The following BCORL1 variants were observed in gnomAD, a reference collection of about 807,000 sequenced individuals.
BCORL1 encodes BCL-6 corepressor-like protein 1.
BCORL1 carries 7 observed loss-of-function variants against 87.6 expected under a neutral mutation model. That is an observed-to-expected ratio of 0.08 (90% confidence interval 0.05 to 0.15). The LOEUF is 0.15. Ranked by LOEUF, BCORL1 falls within the 10% of genes least tolerant of loss-of-function variation. The probability of loss-of-function intolerance (pLI) is 1.00; values close to 1 mark genes in which losing one functional copy is unlikely to be tolerated. For missense variants in BCORL1, 1,215 were observed against 1,499.7 expected (o/e 0.81, Z 3.13); for synonymous variants, 591 against 634.4 (o/e 0.93, Z 1.03).
At chrX:130,051,767 C>T (rs1319925608) in intron 12 of BCORL1, 93 bp from the exon 13 acceptor site, 1 of 872,548 alleles carries the variant, frequency 1.1e-6, no homozygotes, top group African/African-American at 2.0e-5. Context: ...CCAACCACCA[C>T]CCCTCCATGC....
chrX:130,046,371 ATTTTCTTTTTTT>A (rs925787246), intron 11 of BCORL1, among the ~76,000 whole-genome samples: 1 of 109,314 alleles, frequency 9.1e-6, no homozygotes, highest in African/African-American at 3.3e-5. Flanking sequence ...GTTCCAAAAC[ATTTTCTTTTTTT>A]TTTTCTTTTT....
At position 130,016,235 on chromosome X, in the gene BCORL1, A is replaced by G. The variant is rs1444661303; in HGVS notation, c.3441+22A>G. 5.1e-6 allele frequency: 6 copies of G among 1,171,186 alleles called. No individual in the cohort carries two copies. The South Asian group carries it at 1.1e-4, about 22-fold the overall frequency. The stretch of plus-strand genomic sequence containing the variant: ...CAAGGTGAGTGCTGAGCTAAGGTCC[A>G]GGGTGGGGCCGAGATGCCGCTGGTC... On this transcript the variant is annotated intron_variant, in intron 4 of 13. Coordinates refer to ENST00000540052, the MANE Select transcript of BCORL1 (RefSeq NM_001379451.1).
rs143074684 is a variant in BCORL1, at chrX:130,042,618, C to T, written c.4840+3336C>T. ...GCTGTTTGTAGGGTGTGTGAGAGGACAGCACTCAGGGACTTTTTTAAAAAT... is the reference window on the plus strand; with the variant it reads ...GCTGTTTGTAGGGTGTGTGAGAGGATAGCACTCAGGGACTTTTTTAAAAAT... On this transcript the variant is annotated intron_variant, in intron 11 of 13. Transcript: ENST00000540052. Among the ~76,000 whole-genome samples, 431 of 112,124 alleles carry T rather than the reference C, an allele frequency of 3.8e-3. 4 individuals carry two copies. Among genetic ancestry groups the T allele is most frequent in the African/African-American group, 0.013 (400 of 30,888 alleles).
chrX:129,981,253 G>C (rs1603046776), upstream of BCORL1: 2 of 110,580 alleles, frequency 1.8e-5, no homozygotes, highest in Admixed American at 9.5e-5. Context: ...TGGGGGCCGC[G>C]GACCCTCCCC....
intron 1 of BCORL1, among the ~76,000 whole-genome samples, chrX:129,997,874 G>A (rs1927687853): frequency 9.4e-6 from 1 of 106,716 alleles, no homozygotes; most frequent in African/African-American, 3.4e-5. Context: ...CTGTAGTGTG[G>A]TGATTGTCTC....
intron 2 of BCORL1, among the ~76,000 whole-genome samples, chrX:130,006,439 C>G (rs1928499511): frequency 9.3e-6 from 1 of 107,017 alleles, no homozygotes; most frequent in South Asian, 4.3e-4. Context: ...CGGCTCACTG[C>G]AAGCTCTGCC....
intron 11 of BCORL1, among the ~76,000 whole-genome samples, chrX:130,043,771 TATATATATA>T (rs1569388553): frequency 2.8e-4 from 6 of 21,586 alleles, no homozygotes; most frequent in African/African-American, 1.8e-3. Context: ...TATATATATA[TATATATATA>T]TATATTTTTT....
chrX:129,990,255 G>T (rs1045228735), intron 1 of BCORL1, among the ~76,000 whole-genome samples: 1 of 108,895 alleles, frequency 9.2e-6, no homozygotes, highest in Non-Finnish European at 1.9e-5. Context: ...TTTTTGAGAT[G>T]GAGTCTCGCT....
chrX:130,054,696 G>C (rs1345412747), intron 13 of BCORL1, among the ~76,000 whole-genome samples: 1 of 110,549 alleles, frequency 9.0e-6, no homozygotes, highest in Non-Finnish European at 1.9e-5. Context: ...TGGATCATTT[G>C]ACGTCAGGAG....
At chrX:130,003,316 C>T (rs767894636) in intron 1 of BCORL1, among the ~76,000 whole-genome samples, 38 of 110,195 alleles carry the variant, frequency 3.4e-4, no homozygotes, top group Middle Eastern at 4.7e-3. Context: ...GTGCCCTTGC[C>T]CCTTAGTCTG....
chrX:130,014,705 C>T lies in BCORL1; in HGVS notation c.1933C>T (p.Pro645Ser). The change falls in exon 4 of 14, where the codon CCT becomes TCT. Residue 645 changes from proline (P) to serine (S), a missense_variant. Pro to Ser is a moderately conservative substitution (Grantham distance 74). Coordinates refer to ENST00000540052, the MANE Select transcript of BCORL1 (RefSeq NM_001379451.1). ...GAACCAGCGCAAGACACCCCCCATG[C>T]CTGTGTTGACCCCCGTGCACACCAG... is the stretch of plus-strand genomic sequence containing the variant. ...LPNQRKTPPM[P>S]VLTPVHTSSK... 8.3e-7 allele frequency: 1 copy of T among 1,211,401 alleles called. No homozygotes were observed. Among genetic ancestry groups the T allele is most frequent in the Non-Finnish European group, 1.1e-6 (1 of 895,397 alleles).
chrX:130,028,537 C>A, intron 7 of BCORL1, 98 bp from the exon 8 acceptor site: 1 of 748,115 alleles, frequency 1.3e-6, no homozygotes, highest in Non-Finnish European at 2.0e-6. Flanking sequence ...CACTGCAGTT[C>A]TAATCCCCAA....
In BCORL1 at chrX:130,014,793, G is replaced by A. The variant is rs1252530003; in HGVS notation, c.2021G>A (p.Gly674Asp). Residue 674 changes from glycine (G) to aspartate (D), a missense_variant, in exon 4 of 14, where the codon GGC (glycine) becomes GAC (aspartate). By Grantham distance (94) the Gly-to-Asp change is moderately conservative. Around this residue, in one of 5 missense-constraint regions of BCORL1, gnomAD observed 861 missense variants for 1,010.0 expected, o/e 0.85. Transcript: ENST00000540052. ...RSQRTTQAAGGNVTSCLGSTS... is the reference protein window; with the variant it reads ...RSQRTTQAAGDNVTSCLGSTS... Reference sequence around the variant, plus strand: ...CAGCGCACAACCCAGGCTGCCGGTGGCAATGTCACCTCCTGCCTGGGCTCC... The same window carrying A: ...CAGCGCACAACCCAGGCTGCCGGTGACAATGTCACCTCCTGCCTGGGCTCC... 1 of 1,209,215 alleles carries A rather than the reference G, an allele frequency of 8.3e-7. No homozygotes were observed. Among genetic ancestry groups the A allele is most frequent in the Non-Finnish European group, 1.1e-6 (1 of 895,002 alleles).
chrX:130,054,623 T>C (rs1248707810), intron 13 of BCORL1, among the ~76,000 whole-genome samples: 1 of 110,806 alleles, frequency 9.0e-6, no homozygotes, highest in African/African-American at 3.3e-5. Flanking sequence ...TATAATATCA[T>C]GCTAGTGGCC....
rs1603112868 is a variant in BCORL1, at chrX:130,014,674, A to G, written c.1902A>G (p.Pro634=). ...CCAAGTCCAACCGCCAGAAGCTTCCATTGCCGAACCAGCGCAAGACACCCC... is the reference window on the plus strand; with the variant it reads ...CCAAGTCCAACCGCCAGAAGCTTCCGTTGCCGAACCAGCGCAAGACACCCC... ...LSSKSNRQKL[P]LPNQRKTPPM... is the part of the protein sequence containing the mutation. Residue 634 remains proline (P), a synonymous_variant, in exon 4 of 14, where the codon CCA becomes CCG. Coordinates refer to ENST00000540052, the MANE Select transcript of BCORL1 (RefSeq NM_001379451.1). 8.3e-7 allele frequency: 1 copy of G among 1,210,892 alleles called. No homozygotes were observed. Among genetic ancestry groups the G allele is most frequent in the Non-Finnish European group, 1.1e-6 (1 of 895,320 alleles).
At chrX:130,055,610 T>C (rs977003582) in intron 13 of BCORL1, among the ~76,000 whole-genome samples, 28 of 112,753 alleles carry the variant, frequency 2.5e-4, no homozygotes, top group Admixed American at 7.5e-4. Flanking sequence ...GGTCACTGAT[T>C]GCGTGCTCAC....
At chrX:129,981,738 C>G (rs895186066), upstream of BCORL1, 1 of 107,197 alleles carries the variant, frequency 9.3e-6, no homozygotes, top group African/African-American at 3.4e-5. Flanking sequence ...TCGGGTCGCC[C>G]CCACCATTAT....
At chrX:130,023,900 A>T (rs914004482) in intron 6 of BCORL1, among the ~76,000 whole-genome samples, 4 of 112,494 alleles carry the variant, frequency 3.6e-5, no homozygotes, top group Non-Finnish European at 7.5e-5. Context: ...ATGTGCTGTT[A>T]TTTGCTGTCT....
At chrX:129,990,376 C>T (rs1927023035) in intron 1 of BCORL1, among the ~76,000 whole-genome samples, 3 of 110,058 alleles carry the variant, frequency 2.7e-5, no homozygotes, top group South Asian at 3.9e-4. Context: ...GGACTACAGG[C>T]GCCCACCACC....
Sources: gnomAD v4.1 joint callset for allele counts (sites outside exome capture counted in the v4.1 genomes callset) on GRCh38, gnomAD v4.1.1 for gene constraint, gnomAD v4.1.1 regional missense constraint, MANE v1.5 for transcripts, NCBI Gene and HGNC (gene_info 2026-07-23, HGNC 2026-07-21) for gene names.